Variants in CIZ1 observed in about 807,000 individuals in gnomAD.
The protein encoded by CIZ1 is cip1-interacting zinc finger protein.
A neutral mutation model predicts 118.6 loss-of-function variants in CIZ1; 58 were observed. The ratio of observed to expected loss-of-function variants is 0.49; its 90% CI spans 0.40 to 0.61. The LOEUF is 0.61. CIZ1 is among the 20% of genes least tolerant of loss of function. The probability of loss-of-function intolerance (pLI) is 0.00; values close to 1 mark genes in which losing one functional copy is unlikely to be tolerated. For synonymous variants in CIZ1, 448 were observed against 443.4 expected (o/e 1.01, Z -0.13); for missense variants, 921 against 1,115.9 (o/e 0.83, Z 2.49).
intron 9 of CIZ1, 79 bp from the exon 10 acceptor site, chr9:128,177,842 G>T: frequency 1.0e-6 from 1 of 978,982 alleles, no homozygotes; most frequent in Non-Finnish European, 1.5e-6. Flanking sequence ...ATCTGCCAAC[G>T]TTGTCTCATC....
At chr9:128,199,879 C>G (rs1390789085) in intron 1 of CIZ1, 1 of 150,172 alleles carries the variant, frequency 6.7e-6, no homozygotes, top group Non-Finnish European at 1.5e-5. Context: ...ACCCCTGCCT[C>G]CCAGGTTCAA....
At chr9:128,190,544 G>T in intron 2 of CIZ1, 100 bp from the exon 3 acceptor site, 1 of 1,343,676 alleles carries the variant, frequency 7.4e-7, no homozygotes, top group East Asian at 2.5e-5. Flanking sequence ...CTCTGTGGTA[G>T]ACAGAGGACC....
chr9:128,191,444 C>A lies in CIZ1; in HGVS notation c.-18G>T. On this transcript the variant is annotated 5_prime_UTR_variant, in exon 1 of 17. Coordinates refer to ENST00000372938, the MANE Select transcript of CIZ1 (RefSeq NM_001131016.2). This position sits in a 1 kb window ranked among gnomAD's most constrained non-coding sequence, Gnocchi z 5.5. ...CCCGGCCCCGCACCTCGCCTCCCCG[C>A]GCGCCCTCAACGCTCAAGTCGCCCC... The A allele has an allele frequency of 2.1e-6, 2 of 974,058 alleles. No individual in the cohort carries two copies. Among genetic ancestry groups the A allele is most frequent in the Non-Finnish European group, 2.4e-6 (2 of 817,490 alleles). The allele number at this position is 974,058 out of a possible 1,614,324, so 60.3% of individuals were successfully genotyped here. A position where few individuals can be genotyped will look rare whatever the true frequency, so the allele number is the denominator to read the frequency against.
intron 5 of CIZ1, among the ~76,000 whole-genome samples, chr9:128,185,329 T>C (rs1473027542): frequency 1.3e-5 from 2 of 152,192 alleles, no homozygotes; most frequent in African/African-American, 4.8e-5. Context: ...CTGGTAGTGT[T>C]TGGGCATGGC....
At chr9:128,179,523 A>G in intron 7 of CIZ1, 108 bp from the exon 8 acceptor site, 1 of 995,198 alleles carries the variant, frequency 1.0e-6, no homozygotes, top group Non-Finnish European at 1.4e-6. Flanking sequence ...CTGTAAACCC[A>G]GCACTTTGGG....
rs1833582502 is a variant in CIZ1 at position 128,203,058 on chromosome 9, C to A, written c.-6+1128G>T. 6.6e-6 allele frequency: 1 copy of A among 152,166 alleles called. No individual in the cohort carries two copies. Among genetic ancestry groups the A allele is most frequent in the African/African-American group, 2.4e-5 (1 of 41,424 alleles). 9.4% of individuals were successfully genotyped at this position (152,166 alleles called of 1,614,324 possible). A position where few individuals can be genotyped will look rare whatever the true frequency, so the allele number is the denominator to read the frequency against. The stretch of plus-strand genomic sequence containing the variant: ...GACCTCTGAGGTCAGGAGGCTGTGA[C>A]CTCAGAGGAAGCCCATCTGCTCTCC... On this transcript the variant is annotated intron_variant, in intron 1 of 17. Coordinates refer to the CIZ1 transcript ENST00000372948. The surrounding 1 kb of genome is among the most constrained non-coding windows in gnomAD (Gnocchi z 5.3).
intron 3 of CIZ1, 71 bp downstream of exon 3, chr9:128,190,258 G>T: frequency 9.1e-7 from 1 of 1,093,140 alleles, no homozygotes; most frequent in Non-Finnish European, 1.4e-6. Context: ...GTGGAGTTGA[G>T]ATTTAGAGCA....
At chr9:128,176,280 T>C (rs1830833142) in intron 11 of CIZ1, 71 bp downstream of exon 11, 1 of 1,573,296 alleles carries the variant, frequency 6.4e-7, no homozygotes, top group Non-Finnish European at 8.7e-7. Context: ...ACCCTGCAGA[T>C]GGTAGATTCA....
upstream of CIZ1, among the ~76,000 whole-genome samples, chr9:128,194,992 AT>A (rs962705420): frequency 2.1e-4 from 31 of 149,866 alleles, no homozygotes; most frequent in East Asian, 1.8e-3. Context: ...AAATTTTTGT[AT>A]TTTTTTTTTT....
At chr9:128,177,536 C>A in intron 10 of CIZ1, 30 bp downstream of exon 10, 4 of 1,121,388 alleles carry the variant, frequency 3.6e-6, no homozygotes, top group East Asian at 2.8e-5. Context: ...AGGCCCCACC[C>A]CTCCCCACCC....
upstream of CIZ1, among the ~76,000 whole-genome samples, chr9:128,193,817 T>G (rs997762984): frequency 5.3e-5 from 8 of 152,208 alleles, no homozygotes; most frequent in Non-Finnish European, 7.3e-5. Flanking sequence ...CTCCCCTGCC[T>G]TGTGGCTAGG....
At chr9:128,167,815 CAAG>C (rs1829618667) in intron 14 of CIZ1, 1 of 153,878 alleles carries the variant, frequency 6.5e-6, no homozygotes, top group African/African-American at 2.4e-5. Context: ...ATGTGGCTTC[CAAG>C]AAGGACAACC....
Position 128,191,181 on chromosome 9 carries a change from T to C in CIZ1, c.-6+251A>G. ...CCCACCCTCAGCCTCAGCCTCTCTC[T>C]GCGCCCATCACTTCCTCACTCACAG... On this transcript the variant is annotated intron_variant, in intron 1 of 16. Coordinates refer to ENST00000372938, the MANE Select transcript of CIZ1 (RefSeq NM_001131016.2). The surrounding 1 kb of genome is among the most constrained non-coding windows in gnomAD (Gnocchi z 5.5). The C allele has an allele frequency of 2.2e-6, 1 of 445,300 alleles. No homozygotes were observed. Among genetic ancestry groups the C allele is most frequent in the Non-Finnish European group, 4.0e-6 (1 of 249,930 alleles). 27.6% of individuals were successfully genotyped at this position (445,300 alleles called of 1,614,324 possible). A position where few individuals can be genotyped will look rare whatever the true frequency, so the allele number is the denominator to read the frequency against.
At chr9:128,175,885 T>C (rs1329384153) in intron 11 of CIZ1, among the ~76,000 whole-genome samples, 1 of 152,134 alleles carries the variant, frequency 6.6e-6, no homozygotes, top group African/African-American at 2.4e-5. Context: ...TCTGGCTGCC[T>C]GCCAGGCCTT....
chr9:128,177,039 G>A (rs1830947837), intron 10 of CIZ1, among the ~76,000 whole-genome samples: 1 of 152,122 alleles, frequency 6.6e-6, no homozygotes, highest in African/African-American at 2.4e-5. Context: ...TGAGTAGCTG[G>A]GATTACAGAA....
chr9:128,189,283 A>G (rs45448299), intron 3 of CIZ1, among the ~76,000 whole-genome samples: 5,116 of 152,250 alleles, frequency 0.034, 276 homozygotes, highest in African/African-American at 0.12. Flanking sequence ...GAAGATGTAT[A>G]TGTATATGTG....
rs1318601438 is a variant in CIZ1 at position 128,166,085 on chromosome 9, T to C, written c.*112A>G. 1 of 785,464 alleles carries C rather than the reference T, an allele frequency of 1.3e-6. No homozygotes were observed. Among genetic ancestry groups the C allele is most frequent in the African/African-American group, 1.8e-5 (1 of 56,668 alleles). The allele number at this position is 785,464 out of a possible 1,614,324, so 48.7% of individuals were successfully genotyped here. A position where few individuals can be genotyped will look rare whatever the true frequency, so the allele number is the denominator to read the frequency against. The stretch of plus-strand genomic sequence containing the variant: ...GGAACTGCACAGCCAAACTACCTTG[T>C]TTTATTGGATTTTGAGTAAAAACAT... On this transcript the variant is annotated 3_prime_UTR_variant, in exon 17 of 17. Coordinates refer to ENST00000372938, the MANE Select transcript of CIZ1 (RefSeq NM_001131016.2). The surrounding 1 kb of genome is among the most constrained non-coding windows in gnomAD (Gnocchi z 4.4).
intron 5 of CIZ1, among the ~76,000 whole-genome samples, chr9:128,185,213 G>A (rs1832207092): frequency 6.6e-6 from 1 of 152,142 alleles, no homozygotes; most frequent in Admixed American, 6.5e-5. Flanking sequence ...GGGAGACGGA[G>A]GTTGCAGTGA....
At chr9:128,168,460 G>A (rs1252422827) in intron 14 of CIZ1, among the ~76,000 whole-genome samples, 1 of 150,628 alleles carries the variant, frequency 6.6e-6, no homozygotes, top group Non-Finnish European at 1.5e-5. Context: ...AGGTTTCAGT[G>A]AGCTGAGATC....
Sources: gnomAD v4.1 joint callset for allele counts (sites outside exome capture counted in the v4.1 genomes callset) on GRCh38, gnomAD v4.1.1 for gene constraint, Gnocchi (gnomAD v3.1) non-coding constraint, MANE v1.5 for transcripts, NCBI Gene and HGNC (gene_info 2026-07-23, HGNC 2026-07-21) for gene names.